PLEKHH1: variants seen among roughly 807,000 people sequenced by gnomAD.
PLEKHH1 encodes pleckstrin homology, MyTH4 and FERM domain containing H1.
PLEKHH1 carries 104 observed loss-of-function variants against 160.0 expected under a neutral mutation model. The observed-to-expected ratio is 0.65, with a 90% confidence interval of 0.55 to 0.76. The LOEUF is 0.76. Among genes scored for constraint, PLEKHH1 ranks in the 30% least tolerant of loss-of-function variants. The probability of loss-of-function intolerance (pLI) is 0.00; values close to 1 mark genes in which losing one functional copy is unlikely to be tolerated. For synonymous variants in PLEKHH1, 619 were observed against 678.4 expected, an observed-to-expected ratio of 0.91 and a Z score of 1.36; for missense variants, 1,427 against 1,724.1, an observed-to-expected ratio of 0.83 and a Z score of 3.05.
chr14:67,545,673 GGATA>G (rs2034148274), intron 2 of PLEKHH1, among the ~76,000 whole-genome samples: 1 of 152,052 alleles, frequency 6.6e-6, no homozygotes, highest in South Asian at 2.1e-4. Flanking sequence ...ACAGAGAGAT[GGATA>G]AACATATTCA....
rs1043177534 is a variant in PLEKHH1 at position 67,578,351 on chromosome 14, C to G, written c.2751+152C>G. ...AGCTGCATCAGTACGGCTGAGCTGT[C>G]TATGCACAGATGGGTGATTGCATTC... On this transcript the variant is annotated intron_variant, in intron 19 of 28. Transcript: ENST00000329153. This position sits in a 1 kb window ranked among gnomAD's most constrained non-coding sequence, Gnocchi z 5.0. Among the ~76,000 whole-genome samples, 1 of 152,212 alleles carries G rather than the reference C, an allele frequency of 6.6e-6. No homozygotes were observed. Among genetic ancestry groups the G allele is most frequent in the Non-Finnish European group, 1.5e-5 (1 of 68,034 alleles).
At position 67,555,865 on chromosome 14, in the gene PLEKHH1, G is replaced by C; in HGVS notation, c.167G>C (p.Arg56Thr). The C allele has an allele frequency of 9.3e-6, 15 of 1,613,702 alleles. No homozygotes were observed. Among genetic ancestry groups the C allele is most frequent in the Non-Finnish European group, 1.3e-5 (15 of 1,179,752 alleles). Reference protein sequence around the residue: ...LEQRLLEAEQRAENAETQVGV... With the variant: ...LEQRLLEAEQTAENAETQVGV... ...CAGAGGCTGCTGGAGGCAGAGCAGA[G>C]AGCAGAGAACGCTGAGACCCAGGTA... Residue 56 changes from arginine to threonine, a missense_variant, in exon 3 of 29, where the codon AGA becomes ACA. This residue lies in a region of PLEKHH1 where 831 missense variants were observed against 929.2 expected (regional missense o/e 0.89). Coordinates refer to ENST00000329153, the MANE Select transcript of PLEKHH1 (RefSeq NM_020715.3).
intron 27 of PLEKHH1, 73 bp downstream of exon 27, chr14:67,585,727 T>A (rs952361010): frequency 2.3e-5 from 28 of 1,231,616 alleles, no homozygotes; most frequent in Non-Finnish European, 3.1e-5. Flanking sequence ...CTCTGTGGAC[T>A]CAAAAGCCTG....
At chr14:67,548,158 T>C (rs964378456) in intron 2 of PLEKHH1, among the ~76,000 whole-genome samples, 2 of 152,224 alleles carry the variant, frequency 1.3e-5, no homozygotes, top group Non-Finnish European at 2.9e-5. Flanking sequence ...ATTTAAAAAT[T>C]GATACTGTTC....
At chr14:67,580,472 CTTGTCT>C (rs1307306811) in intron 22 of PLEKHH1, among the ~76,000 whole-genome samples, 1 of 152,252 alleles carries the variant, frequency 6.6e-6, no homozygotes, top group Non-Finnish European at 1.5e-5. Context: ...CCAGTGTTTG[CTTGTCT>C]TTAACAGGAC....
intron 7 of PLEKHH1, among the ~76,000 whole-genome samples, chr14:67,563,426 C>CT (rs960803746): frequency 3.4e-5 from 5 of 148,658 alleles, no homozygotes; most frequent in South Asian, 2.1e-4. Context: ...TTTTTCTTTT[C>CT]TTTTTTTTGG....
intron 1 of PLEKHH1, among the ~76,000 whole-genome samples, chr14:67,539,822 A>G (rs903064488): frequency 4.6e-5 from 7 of 152,190 alleles, no homozygotes; most frequent in African/African-American, 1.7e-4. Context: ...GTGTGTGTGG[A>G]CAACAGTGCT....
At chr14:67,585,375 A>T (rs2036102626) in intron 26 of PLEKHH1, 193 bp from the exon 27 acceptor site, 1 of 566,300 alleles carries the variant, frequency 1.8e-6, no homozygotes, top group Admixed American at 3.2e-5. Context: ...CCCAAGGCCA[A>T]GGGTCTCCTG....
In PLEKHH1 at chr14:67,576,320, A is replaced by G; in HGVS notation, c.2353-75A>G. The stretch of plus-strand genomic sequence containing the variant: ...ACCCCACATGGGCTTGGTCCCTTCA[A>G]GGAGTCCTCCTTGGAGCTCTTGCCT... On this transcript the variant is annotated intron_variant, in intron 16 of 28. Transcript: ENST00000329153. This position sits in a 1 kb window ranked among gnomAD's most constrained non-coding sequence, Gnocchi z 4.0. 1 of 822,094 alleles carries G rather than the reference A, an allele frequency of 1.2e-6. No individual in the cohort carries two copies. The highest frequency in any genetic ancestry group is 2.0e-6 in the Non-Finnish European group (1 of 502,860). 50.9% of individuals were successfully genotyped at this position (822,094 alleles called of 1,614,324 possible).
At chr14:67,572,986 TC>T (rs1175712330) in intron 11 of PLEKHH1, among the ~76,000 whole-genome samples, 2 of 152,188 alleles carry the variant, frequency 1.3e-5, no homozygotes. Context: ...CCTGACGCTC[TC>T]CCTGGCCAGG....
chr14:67,549,667 G>A (rs1169957572), intron 2 of PLEKHH1, among the ~76,000 whole-genome samples: 1 of 152,160 alleles, frequency 6.6e-6, no homozygotes, highest in Non-Finnish European at 1.5e-5. Context: ...GTTCTGTAGT[G>A]CTCGTGAACC....
rs760099288 is a variant in PLEKHH1, at chr14:67,587,318, C to T, written c.*83C>T. On this transcript the variant is annotated 3_prime_UTR_variant, in exon 29 of 29. Coordinates refer to ENST00000329153, the MANE Select transcript of PLEKHH1 (RefSeq NM_020715.3). Reference sequence around the variant, plus strand: ...ATCCTAGGGTATGATACTACTGTGACGGGTCTAACAGCCCCCGGCTACTCT... The same window carrying T: ...ATCCTAGGGTATGATACTACTGTGATGGGTCTAACAGCCCCCGGCTACTCT... The T allele has an allele frequency of 8.5e-5, 127 of 1,485,434 alleles. 1 individual carries two copies. The highest frequency in any genetic ancestry group is 1.1e-4 in the East Asian group (5 of 44,282). 92.0% of individuals were successfully genotyped at this position (1,485,434 alleles called of 1,614,324 possible). A position where few individuals can be genotyped will look rare whatever the true frequency, so the allele number is the denominator to read the frequency against.
rs181986755 is a variant in PLEKHH1 at position 67,565,914 on chromosome 14, G to T, written c.1263+3020G>T. The stretch of plus-strand genomic sequence containing the variant: ...GCAGGCAGATCACTTGAGGTCAGGA[G>T]TTCGAGACCAGCCTGGCCAACATGG... On this transcript the variant is annotated intron_variant, in intron 7 of 28. Coordinates refer to ENST00000329153, the MANE Select transcript of PLEKHH1 (RefSeq NM_020715.3). Among the ~76,000 whole-genome samples the T allele has an allele frequency of 1.2e-4, 19 of 152,286 alleles. No individual in the cohort carries two copies. In the East Asian group the frequency reaches 3.7e-3, roughly 29 times the overall value.
intron 2 of PLEKHH1, among the ~76,000 whole-genome samples, chr14:67,544,420 C>A (rs1033550146): frequency 6.6e-6 from 1 of 152,092 alleles, no homozygotes; most frequent in Non-Finnish European, 1.5e-5. Context: ...CAATTCAGAT[C>A]ACACAGGATC....
Position 67,574,144 on chromosome 14 carries a change from G to T in PLEKHH1, c.1927-98G>T. 1 of 1,113,996 alleles carries T rather than the reference G, an allele frequency of 9.0e-7. No individual in the cohort carries two copies. The allele number at this position is 1,113,996 out of a possible 1,614,324, so 69.0% of individuals were successfully genotyped here. On this transcript the variant is annotated intron_variant, in intron 13 of 28. Transcript: ENST00000329153. This position sits in a 1 kb window ranked among gnomAD's most constrained non-coding sequence, Gnocchi z 4.2. Reference sequence around the variant, plus strand: ...GAGCACTAGGGCAGGCAGAAGGCCAGCCCCTTGGGTTCAGGGACAGGTGCC... The same window carrying T: ...GAGCACTAGGGCAGGCAGAAGGCCATCCCCTTGGGTTCAGGGACAGGTGCC...
At chr14:67,584,227 A>T in intron 26 of PLEKHH1, 103 bp downstream of exon 26, 1 of 1,125,516 alleles carries the variant, frequency 8.9e-7, no homozygotes, top group Non-Finnish European at 1.3e-6. Context: ...ACCAGTAACC[A>T]CCAGAGGTCA....
At chr14:67,538,646 G>C (rs1445411959) in intron 1 of PLEKHH1, among the ~76,000 whole-genome samples, 4 of 152,152 alleles carry the variant, frequency 2.6e-5, no homozygotes, top group Non-Finnish European at 5.9e-5. Context: ...GGGTTTGGCA[G>C]CAGGCACCCT....
At chr14:67,542,139 G>C (rs900379755) in intron 2 of PLEKHH1, 146 bp downstream of exon 2, 5 of 777,638 alleles carry the variant, frequency 6.4e-6, no homozygotes, top group Non-Finnish European at 9.8e-6. Context: ...GGTAGTTTAA[G>C]ACCAAAGTCC....
At position 67,547,936 on chromosome 14, in the gene PLEKHH1, G is replaced by T. The variant is rs576040590; in HGVS notation, c.126+5943G>T. On this transcript the variant is annotated intron_variant, in intron 2 of 28. Transcript: ENST00000329153. ...ACTGTGCCTTTGCTGTTACACCTCT[G>T]GGTCTGGTGTGCTATTGCCATGGTC... Among the ~76,000 whole-genome samples the T allele has an allele frequency of 2.0e-5, 3 of 152,286 alleles. No homozygotes were observed. The South Asian group carries it at 6.2e-4, about 32-fold the overall frequency.
Sources: allele counts gnomAD v4.1 joint callset (sites outside exome capture counted in the v4.1 genomes callset), GRCh38; gene constraint gnomAD v4.1.1; regional missense constraint gnomAD v4.1.1; non-coding constraint Gnocchi (gnomAD v3.1); transcripts MANE v1.5; gene names NCBI Gene and HGNC (gene_info 2026-07-23, HGNC 2026-07-21).